The following CALCR variants were observed in gnomAD, a reference collection of about 807,000 sequenced individuals.
The protein encoded by CALCR is calcitonin receptor.
Under a neutral mutation model 59.5 loss-of-function variants are expected in CALCR, and 47 were observed. The ratio of observed to expected loss-of-function variants is 0.79; its 90% confidence interval spans 0.63 to 1.01. CALCR has a LOEUF of 1.01. Ranked by LOEUF, CALCR falls within the 50% of genes least tolerant of loss-of-function variation. The pLI is 0.00. For missense variants in CALCR, 566 were observed against 597.1 expected (o/e 0.95, Z 0.54); for synonymous variants, 213 against 211.3 (o/e 1.01, Z -0.07).
chr7:93,509,245 C>A (rs1490210194), intron 2 of CALCR, among the ~76,000 whole-genome samples: 1 of 152,056 alleles, frequency 6.6e-6, no homozygotes, highest in African/African-American at 2.4e-5. Flanking sequence ...GGGTTTTAGA[C>A]AGGAAATGAT....
At chr7:93,430,198 G>C (rs913375152) in intron 13 of CALCR, among the ~76,000 whole-genome samples, 1 of 152,108 alleles carries the variant, frequency 6.6e-6, no homozygotes, top group African/African-American at 2.4e-5. Flanking sequence ...GCCTCCCAAA[G>C]TGCTGGGATT....
chr7:93,558,839 T>TTGACCAACAGCAACAAAA (rs1209916040), intron 2 of CALCR, among the ~76,000 whole-genome samples: 4 of 152,086 alleles, frequency 2.6e-5, no homozygotes, highest in Non-Finnish European at 1.5e-5. Context: ...GCTTGATAGC[T>TTGACCAACAGCAACAAAA]TGACCAACAG....
chr7:93,492,373 A>G (rs1309984094), intron 2 of CALCR, among the ~76,000 whole-genome samples: 2 of 151,366 alleles, frequency 1.3e-5, no homozygotes, highest in Non-Finnish European at 3.0e-5. Context: ...AAAAAAAAGT[A>G]TTTACAGATT....
At chr7:93,486,398 G>A (rs1315168258) in intron 3 of CALCR, among the ~76,000 whole-genome samples, 1 of 151,552 alleles carries the variant, frequency 6.6e-6, no homozygotes, top group Non-Finnish European at 1.5e-5. Context: ...TGGAGAAAGA[G>A]TTATAGAATA....
intron 2 of CALCR, among the ~76,000 whole-genome samples, chr7:93,512,886 C>G (rs1801575627): frequency 6.6e-6 from 1 of 152,158 alleles, no homozygotes; most frequent in South Asian, 2.1e-4. Flanking sequence ...ACTGACATAA[C>G]TTATGATAAC....
Position 93,541,252 on chromosome 7 carries a change from C to A in CALCR, c.-27+33037G>T, listed in dbSNP as rs191915489. 5.3e-5 allele frequency among the ~76,000 whole-genome samples: 8 copies of A among 152,276 alleles called. No homozygotes were observed. The East Asian group carries it at 1.5e-3, about 29-fold the overall frequency. On this transcript the variant is annotated intron_variant, in intron 2 of 13. Transcript: ENST00000426151. ...GCAGTGGCACGATTTCGGCTCACTG[C>A]AACCTCTGCCTCCCAAGTTCAAGCG...
At chr7:93,435,931 A>G (rs1340233280) in intron 12 of CALCR, 21 bp downstream of exon 12, 1 of 1,439,844 alleles carries the variant, frequency 6.9e-7, no homozygotes, top group East Asian at 2.3e-5. Context: ...AGTTGAATAA[A>G]TACACCTTTG....
intron 2 of CALCR, among the ~76,000 whole-genome samples, chr7:93,521,637 A>G (rs1487962483): frequency 1.3e-5 from 2 of 152,064 alleles, no homozygotes; most frequent in African/African-American, 4.8e-5. Context: ...TTGTAGCCAC[A>G]TAATTCCAAA....
At chr7:93,479,267 T>G (rs573589559) in intron 4 of CALCR, 87 bp downstream of exon 4, 1 of 1,331,542 alleles carries the variant, frequency 7.5e-7, no homozygotes, top group Non-Finnish European at 1.0e-6. Context: ...CATATTAAAT[T>G]AAAATTATTC....
chr7:93,465,908 T>G (rs1170198935), intron 7 of CALCR, among the ~76,000 whole-genome samples: 1 of 151,572 alleles, frequency 6.6e-6, no homozygotes, highest in East Asian at 1.9e-4. Context: ...GTATGATCAG[T>G]GACTTTAAAT....
chr7:93,456,624 G>C (rs1026123518), intron 8 of CALCR, among the ~76,000 whole-genome samples: 2 of 152,020 alleles, frequency 1.3e-5, no homozygotes, highest in Admixed American at 1.3e-4. Flanking sequence ...CATTTTTGGT[G>C]GTCAATAAGT....
intron 2 of CALCR, among the ~76,000 whole-genome samples, chr7:93,490,062 T>A (rs1264781605): frequency 6.6e-6 from 1 of 151,882 alleles, no homozygotes; most frequent in Non-Finnish European, 1.5e-5. Flanking sequence ...GTATCCACCA[T>A]GATCAAGTCG....
intron 2 of CALCR, among the ~76,000 whole-genome samples, chr7:93,573,519 T>C (rs1790051309): frequency 1.3e-5 from 2 of 152,220 alleles, no homozygotes; most frequent in South Asian, 4.1e-4. Flanking sequence ...TCACATAGTA[T>C]TAGGTTAAAG....
intron 2 of CALCR, among the ~76,000 whole-genome samples, chr7:93,520,308 G>C (rs1300362182): frequency 1.6e-5 from 1 of 63,722 alleles, no homozygotes; most frequent in African/African-American, 5.8e-5. Flanking sequence ...CCAGTGTATG[G>C]AGAACTTAGT....
chr7:93,555,679 C>G (rs77982220), intron 2 of CALCR, among the ~76,000 whole-genome samples: 8 of 151,730 alleles, frequency 5.3e-5, no homozygotes, highest in African/African-American at 1.9e-4. Context: ...GTAATTATAT[C>G]AAAGTGGCAT....
chr7:93,495,885 T>C (rs1452366994), intron 2 of CALCR: 1 of 1,531,122 alleles, frequency 6.5e-7, no homozygotes. Context: ...CTGGTTTGTA[T>C]CCACAAATGG....
intron 2 of CALCR, among the ~76,000 whole-genome samples, chr7:93,563,914 C>T (rs550618064): frequency 1.3e-5 from 2 of 152,180 alleles, no homozygotes; most frequent in South Asian, 4.1e-4. Context: ...ATAGTACCTA[C>T]CTTAGAGGGT....
chr7:93,434,281 G>T lies in CALCR; in HGVS notation c.1163C>A (p.Ala388Glu), dbSNP rs749628730. 1 of 1,608,570 alleles carries T rather than the reference G, an allele frequency of 6.2e-7. No individual in the cohort carries two copies. The highest frequency in any genetic ancestry group is 8.5e-7 in the Non-Finnish European group (1 of 1,175,790). Residue 388 changes from alanine to glutamate, a missense_variant, in exon 13 of 14, where the codon GCG becomes GAG. Physicochemically the swap from Ala to Glu is moderately radical, Grantham distance 107 (BLOSUM62 -1). Coordinates refer to ENST00000426151, the MANE Select transcript of CALCR (RefSeq NM_001742.4). ...SLIHFQGFFVATIYCFCNNEV... is the reference protein window; with the variant it reads ...SLIHFQGFFVETIYCFCNNEV... ...ATTGTTGCAGAAGCAGTAGATGGTC[G>T]CAACAAAGAAGCCCTAAAAAGGGAA...
At chr7:93,483,398 G>A (rs903117086) in intron 3 of CALCR, among the ~76,000 whole-genome samples, 32 of 149,634 alleles carry the variant, frequency 2.1e-4, no homozygotes, top group African/African-American at 6.9e-4. Context: ...TGGATACAGA[G>A]GGCTGACTGT....
Sources: gnomAD v4.1 joint callset for allele counts (sites outside exome capture counted in the v4.1 genomes callset) on GRCh38, gnomAD v4.1.1 for gene constraint, MANE v1.5 for transcripts, NCBI Gene and HGNC (gene_info 2026-07-23, HGNC 2026-07-21) for gene names.